Variants in ZNF385D observed in about 807,000 individuals in gnomAD.
ZNF385D encodes zinc finger protein 385D, also known as zinc finger protein 659.
In ZNF385D, 15 loss-of-function variants were observed where a neutral mutation model predicts 35.8. The observed-to-expected ratio is 0.42, with a 90% confidence interval of 0.28 to 0.64. The LOEUF (loss-of-function observed/expected upper bound fraction) is 0.64. ZNF385D is among the 30% of genes least tolerant of loss of function. The probability of loss-of-function intolerance (pLI) is 0.23; values close to 1 mark genes in which losing one functional copy is unlikely to be tolerated. For missense variants in ZNF385D, 474 were observed against 494.6 expected (o/e 0.96, Z 0.39); for synonymous variants, 212 against 186.8 (o/e 1.13, Z -1.10).
intron 3 of ZNF385D, among the ~76,000 whole-genome samples, chr3:21,779,840 T>C (rs764505623): frequency 6.6e-6 from 1 of 151,972 alleles, no homozygotes; most frequent in Admixed American, 6.6e-5. Flanking sequence ...TACCAACTCA[T>C]TTATTCCAAA....
intron 2 of ZNF385D, among the ~76,000 whole-genome samples, chr3:22,293,488 G>T (rs1702410065): frequency 1.3e-5 from 2 of 151,988 alleles, no homozygotes. Flanking sequence ...GTTCAATGAT[G>T]CCCTCTAGCA....
intron 3 of ZNF385D, among the ~76,000 whole-genome samples, chr3:22,048,251 T>TC (rs1164255795): frequency 2.6e-5 from 4 of 151,930 alleles, no homozygotes; most frequent in African/African-American, 9.7e-5. Context: ...TTTGCTGTAA[T>TC]CCCATTTGCT....
At chr3:22,024,981 G>A (rs7609929) in intron 3 of ZNF385D, among the ~76,000 whole-genome samples, 6,493 of 152,226 alleles carry the variant, frequency 0.043, 489 homozygotes, top group African/African-American at 0.15. Flanking sequence ...GCAAGTGGCT[G>A]ACCTGAAACA....
chr3:21,879,154 T>C (rs1244100677), intron 3 of ZNF385D, among the ~76,000 whole-genome samples: 2 of 152,002 alleles, frequency 1.3e-5, no homozygotes, highest in East Asian at 3.9e-4. Flanking sequence ...GATATGAAAA[T>C]TTACCTCTTG....
chr3:22,172,900 A>G (rs1694561466), intron 2 of ZNF385D, among the ~76,000 whole-genome samples: 1 of 152,226 alleles, frequency 6.6e-6, no homozygotes. Flanking sequence ...AGTATAGGTT[A>G]TGCTTAGTGA....
chr3:21,558,158 A>T (rs1210025045), intron 3 of ZNF385D, among the ~76,000 whole-genome samples: 1 of 136,898 alleles, frequency 7.3e-6, no homozygotes, highest in Non-Finnish European at 1.5e-5. Context: ...TATCTCCTTC[A>T]GTTCTGCTCT....
chr3:22,015,549 T>C (rs563148554), intron 3 of ZNF385D, among the ~76,000 whole-genome samples: 1 of 152,246 alleles, frequency 6.6e-6, no homozygotes, highest in South Asian at 2.1e-4. Context: ...TTTCTGTCCA[T>C]TCATCTAGTC....
chr3:22,366,445 G>A (rs372180827), intron 2 of ZNF385D, among the ~76,000 whole-genome samples: 28 of 152,238 alleles, frequency 1.8e-4, no homozygotes, highest in South Asian at 6.2e-4. Context: ...GAAGAGAGCA[G>A]AAAATAATTG....
At chr3:22,164,571 G>A (rs910475831) in intron 3 of ZNF385D, among the ~76,000 whole-genome samples, 3 of 151,036 alleles carry the variant, frequency 2.0e-5, no homozygotes, top group African/African-American at 7.3e-5. Flanking sequence ...AAAAAGGGCA[G>A]AGGGCTAGGT....
intron 3 of ZNF385D, among the ~76,000 whole-genome samples, chr3:21,789,180 T>A (rs71310283): frequency 6.6e-6 from 1 of 152,132 alleles, no homozygotes; most frequent in Admixed American, 6.5e-5. Flanking sequence ...AAAGAAAACA[T>A]AAAATACTGA....
At chr3:21,712,374 C>T (rs1389886188) in intron 1 of ZNF385D, among the ~76,000 whole-genome samples, 1 of 152,146 alleles carries the variant, frequency 6.6e-6, no homozygotes, top group African/African-American at 2.4e-5. Flanking sequence ...GCCCCACCCA[C>T]CCTAGCATAG....
At chr3:21,674,938 G>GCAT (rs1224965622) in intron 1 of ZNF385D, among the ~76,000 whole-genome samples, 1 of 151,852 alleles carries the variant, frequency 6.6e-6, no homozygotes, top group Non-Finnish European at 1.5e-5. Context: ...ATGGATGCAT[G>GCAT]GATGGATGGA....
In ZNF385D at chr3:22,242,131, C is replaced by T. The variant is rs1203642536; in HGVS notation, c.107-73096G>A. Reference sequence around the variant, plus strand: ...GGGAGATATACCTAATGCTAGATGACGAGTTAGTGGGTGCAGCGCACCAGC... The same window carrying T: ...GGGAGATATACCTAATGCTAGATGATGAGTTAGTGGGTGCAGCGCACCAGC... On this transcript the variant is annotated intron_variant, in intron 2 of 5. Transcript: ENST00000494108. Among the ~76,000 whole-genome samples the T allele has an allele frequency of 4.0e-5, 6 of 150,712 alleles. 1 individual carries two copies. In the East Asian group the frequency reaches 1.2e-3, roughly 30 times the overall value.
At chr3:21,902,366 A>G (rs1699455583) in intron 3 of ZNF385D, among the ~76,000 whole-genome samples, 1 of 152,080 alleles carries the variant, frequency 6.6e-6, no homozygotes, top group Non-Finnish European at 1.5e-5. Flanking sequence ...CATTTGTTCT[A>G]GTTCCTTCAT....
chr3:22,245,047 G>A (rs898834023), intron 2 of ZNF385D, among the ~76,000 whole-genome samples: 3 of 152,060 alleles, frequency 2.0e-5, no homozygotes, highest in Non-Finnish European at 4.4e-5. Flanking sequence ...ACCTCCAAGT[G>A]AATAGACGAT....
chr3:22,272,611 G>C (rs2728992), intron 2 of ZNF385D, among the ~76,000 whole-genome samples: 85,136 of 151,762 alleles, frequency 0.56, 26,040 homozygotes, highest in African/African-American at 0.82. Flanking sequence ...AAGACATTAT[G>C]TAACACAGTG....
chr3:21,449,765 G>A (rs1394475863), intron 4 of ZNF385D, among the ~76,000 whole-genome samples: 2 of 152,178 alleles, frequency 1.3e-5, no homozygotes, highest in Non-Finnish European at 2.9e-5. Flanking sequence ...TATCATGGAT[G>A]TGAGACTAAT....
intron 2 of ZNF385D, among the ~76,000 whole-genome samples, chr3:22,203,210 G>A (rs1696921046): frequency 6.6e-6 from 1 of 152,104 alleles, no homozygotes; most frequent in Non-Finnish European, 1.5e-5. Context: ...AGCCACAACA[G>A]GATAGGGCAA....
chr3:22,145,770 G>A (rs1040894095), intron 3 of ZNF385D, among the ~76,000 whole-genome samples: 1 of 152,178 alleles, frequency 6.6e-6, no homozygotes, highest in Non-Finnish European at 1.5e-5. Context: ...ATGCTTCAGA[G>A]AGTAGAGAGC....
Sources: allele counts gnomAD v4.1 joint callset (sites outside exome capture counted in the v4.1 genomes callset), GRCh38; gene constraint gnomAD v4.1.1; transcripts MANE v1.5; gene names NCBI Gene and HGNC (gene_info 2026-07-23, HGNC 2026-07-21).